CAMK1D: variants seen among roughly 807,000 people sequenced by gnomAD.
The protein encoded by CAMK1D is calcium/calmodulin-dependent protein kinase type 1D.
A neutral mutation model predicts 47.7 loss-of-function variants in CAMK1D; 9 were observed. That is an observed-to-expected ratio of 0.19 (90% CI 0.11 to 0.33). The LOEUF (loss-of-function observed/expected upper bound fraction) is 0.33, where lower values mean the gene tolerates loss of function less well. Ranked by LOEUF, CAMK1D falls within the 10% of genes least tolerant of loss-of-function variation. The pLI is 1.00. For missense variants in CAMK1D, 291 were observed against 488.7 expected (o/e 0.60, Z 3.81); for synonymous variants, 184 against 184.9 (o/e 0.99, Z 0.04).
intron 1 of CAMK1D, among the ~76,000 whole-genome samples, chr10:12,464,679 G>A (rs1320410036): frequency 6.6e-6 from 1 of 152,112 alleles, no homozygotes. Context: ...GCCGGGTGTG[G>A]TGGCGGGTAC....
rs75967152 is a variant in CAMK1D, at chr10:12,655,803, C to A, written c.225-10933C>A. On this transcript the variant is annotated intron_variant, in intron 2 of 10. Coordinates refer to ENST00000619168, the MANE Select transcript of CAMK1D (RefSeq NM_153498.4). ...TGATGTGGGAGAAGGAAAAGTGGGTCTTTTCTGTGTAAACAACTTCATGTC... is the reference window on the plus strand; with the variant it reads ...TGATGTGGGAGAAGGAAAAGTGGGTATTTTCTGTGTAAACAACTTCATGTC... 3.9e-3 allele frequency among the ~76,000 whole-genome samples: 593 copies of A among 152,334 alleles called. 7 individuals carry two copies. The highest frequency in any genetic ancestry group is 0.013 in the African/African-American group (547 of 41,576).
chr10:12,356,288 G>T (rs1032685465), intron 1 of CAMK1D, among the ~76,000 whole-genome samples: 1 of 152,164 alleles, frequency 6.6e-6, no homozygotes, highest in African/African-American at 2.4e-5. Context: ...ATTCCCCAAG[G>T]ACCTGGGCTT....
At chr10:12,520,387 C>A (rs1028871059) in intron 1 of CAMK1D, among the ~76,000 whole-genome samples, 2 of 96,916 alleles carry the variant, frequency 2.1e-5, no homozygotes, top group South Asian at 4.9e-4. Context: ...CGGGCAGAGA[C>A]GCTCCTCACT....
chr10:12,612,335 A>G (rs116509706), intron 2 of CAMK1D, among the ~76,000 whole-genome samples: 2,260 of 141,474 alleles, frequency 0.016, 48 homozygotes, highest in African/African-American at 0.057. Context: ...TAATTAATTA[A>G]TTACTTTTTT....
At chr10:12,664,293 A>C (rs1487426376) in intron 2 of CAMK1D, among the ~76,000 whole-genome samples, 1 of 152,146 alleles carries the variant, frequency 6.6e-6, no homozygotes, top group Non-Finnish European at 1.5e-5. Flanking sequence ...TGGTTGATGG[A>C]GAGATATTAA....
At chr10:12,375,783 T>C (rs1253394537) in intron 1 of CAMK1D, among the ~76,000 whole-genome samples, 1 of 152,126 alleles carries the variant, frequency 6.6e-6, no homozygotes, top group Non-Finnish European at 1.5e-5. Context: ...AAGCAGTGTG[T>C]ATTTGGCGTT....
chr10:12,667,866 T>C (rs2132557292), intron 3 of CAMK1D, among the ~76,000 whole-genome samples: 1 of 152,374 alleles, frequency 6.6e-6, no homozygotes, highest in Non-Finnish European at 1.5e-5. Context: ...TTAGTTAACC[T>C]TTCATGATCT....
At chr10:12,354,809 G>A (rs1837458023) in intron 1 of CAMK1D, among the ~76,000 whole-genome samples, 1 of 150,798 alleles carries the variant, frequency 6.6e-6, no homozygotes, top group Non-Finnish European at 1.5e-5. Context: ...TCCTTGTGTG[G>A]CTAGGTGCAG....
At chr10:12,811,586 G>A (rs776251078) in intron 6 of CAMK1D, among the ~76,000 whole-genome samples, 1 of 151,786 alleles carries the variant, frequency 6.6e-6, no homozygotes, top group African/African-American at 2.4e-5. Flanking sequence ...ACAAAAACAC[G>A]GAAAGAAAAA....
intron 1 of CAMK1D, among the ~76,000 whole-genome samples, chr10:12,474,098 A>G (rs1319424053): frequency 1.3e-5 from 2 of 152,076 alleles, no homozygotes; most frequent in African/African-American, 2.4e-5. Flanking sequence ...GGTTCCACCA[A>G]CAGTGCCTTT....
intron 4 of CAMK1D, among the ~76,000 whole-genome samples, chr10:12,762,980 T>G (rs1180828425): frequency 6.6e-6 from 1 of 152,088 alleles, no homozygotes; most frequent in East Asian, 1.9e-4. Context: ...ATTAGAAAAA[T>G]AATTTCTAAG....
intron 2 of CAMK1D, among the ~76,000 whole-genome samples, chr10:12,567,309 C>T (rs1019769384): frequency 7.2e-5 from 11 of 152,178 alleles, no homozygotes; most frequent in African/African-American, 2.4e-4. Flanking sequence ...CTGTAGCTTT[C>T]CAAGATGTTC....
intron 3 of CAMK1D, among the ~76,000 whole-genome samples, chr10:12,708,735 GA>G (rs1261642578): frequency 6.6e-6 from 1 of 152,162 alleles, no homozygotes; most frequent in Non-Finnish European, 1.5e-5. Context: ...TATTCATTTT[GA>G]GGTTGTTAGG....
intron 1 of CAMK1D, among the ~76,000 whole-genome samples, chr10:12,547,820 T>C (rs1319174041): frequency 6.6e-6 from 1 of 152,218 alleles, no homozygotes; most frequent in Non-Finnish European, 1.5e-5. Flanking sequence ...TTTCTATTTA[T>C]TGTGGGAACA....
At chr10:12,377,675 G>C (rs1020654189) in intron 1 of CAMK1D, among the ~76,000 whole-genome samples, 1 of 152,108 alleles carries the variant, frequency 6.6e-6, no homozygotes, top group Non-Finnish European at 1.5e-5. Context: ...CCACCATATA[G>C]GAATGCACTT....
rs552896394 is a variant in CAMK1D, at chr10:12,671,525, C to T, written c.299+4715C>T. Among the ~76,000 whole-genome samples the T allele has an allele frequency of 4.0e-5, 6 of 151,876 alleles. No homozygotes were observed. The East Asian group carries it at 5.8e-4, about 15-fold the overall frequency. On this transcript the variant is annotated intron_variant, in intron 3 of 10. Coordinates refer to ENST00000619168, the MANE Select transcript of CAMK1D (RefSeq NM_153498.4). ...GGTGTGAAGTGGCATCTCAAGATTTCGGTTTGTATTTTCCTGATAACTAAC... is the reference window on the plus strand; with the variant it reads ...GGTGTGAAGTGGCATCTCAAGATTTTGGTTTGTATTTTCCTGATAACTAAC...
intron 6 of CAMK1D, among the ~76,000 whole-genome samples, chr10:12,812,851 G>C (rs77331449): frequency 3.2e-3 from 481 of 152,266 alleles, no homozygotes; most frequent in Non-Finnish European, 5.0e-3. Context: ...GTTTTAGCCA[G>C]CCAAACTGAA....
At chr10:12,395,951 T>TTAAC (rs1838934042) in intron 1 of CAMK1D, among the ~76,000 whole-genome samples, 1 of 151,440 alleles carries the variant, frequency 6.6e-6, no homozygotes, top group South Asian at 2.1e-4. Flanking sequence ...AAAAGGGTTG[T>TTAAC]TAACCTCTGC....
At chr10:12,370,918 AT>A (rs1218184425) in intron 1 of CAMK1D, among the ~76,000 whole-genome samples, 1 of 152,068 alleles carries the variant, frequency 6.6e-6, no homozygotes, top group Non-Finnish European at 1.5e-5. Flanking sequence ...TTGTGTTTTA[AT>A]TTTTAACAAA....
Sources: gnomAD v4.1 joint callset for allele counts (sites outside exome capture counted in the v4.1 genomes callset) on GRCh38, gnomAD v4.1.1 for gene constraint, MANE v1.5 for transcripts, NCBI Gene and HGNC (gene_info 2026-07-23, HGNC 2026-07-21) for gene names.